The following PSG7 variants were observed in gnomAD, a reference collection of about 807,000 sequenced individuals.
PSG7 encodes pregnancy-specific beta-1-glycoprotein 7.
In PSG7, 57 loss-of-function variants were observed where a neutral mutation model predicts 45.6. The observed-to-expected ratio is 1.25, with a 90% CI of 1.01 to 1.56. PSG7 has a LOEUF of 1.56. Ranked by LOEUF, PSG7 falls within the 40% of genes most tolerant of loss-of-function variation. PSG7 has a pLI of 0.00. For synonymous variants in PSG7, 298 were observed against 194.4 expected, an observed-to-expected ratio of 1.53 and a Z score of -4.43; for missense variants, 796 against 508.4, an observed-to-expected ratio of 1.57 and a Z score of -5.44.
rs570381956 is a variant in PSG7 at position 42,937,175 on chromosome 19, C to T, written c.-99G>A. Reference sequence around the variant, plus strand: ...AGCTGTGCTGTCCTTCCTCCTTCTGCACTGAGCCTCTTCCCGGGGCAGGAG... The same window carrying T: ...AGCTGTGCTGTCCTTCCTCCTTCTGTACTGAGCCTCTTCCCGGGGCAGGAG... On this transcript the variant is annotated 5_prime_UTR_variant, in exon 1 of 6. Transcript: ENST00000406070. 4.7e-4 allele frequency: 704 copies of T among 1,496,146 alleles called. 17 individuals are homozygous for T. The East Asian group carries it at 4.7e-3, about 10-fold the overall frequency. 92.7% of individuals were successfully genotyped at this position (1,496,146 alleles called of 1,614,324 possible).
Position 42,929,651 on chromosome 19 carries a change from A to T in PSG7, c.500T>A (p.Leu167Ter), listed in dbSNP as rs1206833404. 6.2e-7 allele frequency: 1 copy of T among 1,612,344 alleles called. No individual in the cohort carries two copies. The highest frequency in any genetic ancestry group is 2.2e-5 in the East Asian group (1 of 44,810). Residue 167 changes from leucine to a stop codon, truncating the protein, a stop_gained, in exon 3 of 6, where the codon TTA (leucine) becomes TAA (stop). Coordinates refer to ENST00000406070, the MANE Select transcript of PSG7 (RefSeq NM_002783.3). LOFTEE classifies it high-confidence loss of function. Reference protein sequence around the residue: ...NPREATEAVILTCDPETPDAS... With the variant: ...NPREATEAVI ...ATCTGGAGTCTCAGGATCACAGGTT[A>T]AAATCACAGCCTCCGTGGCCTCCCT... is the stretch of plus-strand genomic sequence containing the variant.
At chr19:42,933,307 A>ATATATATATATATATATATATATATTT (rs56691588) in intron 2 of PSG7, among the ~76,000 whole-genome samples, 1 of 13,506 alleles carries the variant, frequency 7.4e-5, no homozygotes, top group Non-Finnish European at 1.6e-4. Flanking sequence ...ATATATATAT[A>ATATATATATATATATATATATATATTT]TTTTTTTTTT....
chr19:42,933,263 T>C lies in PSG7; in HGVS notation c.430+2141A>G, dbSNP rs1973059264. On this transcript the variant is annotated intron_variant, in intron 2 of 5. Transcript: ENST00000406070. ...ATCATTCTTTACTACAAATCACCAT[T>C]TCAATATATATATATATATATATAT... is the stretch of plus-strand genomic sequence containing the variant. 8.7e-5 allele frequency among the ~76,000 whole-genome samples: 4 copies of C among 45,720 alleles called. No homozygotes were observed. The South Asian group carries it at 4.7e-3, about 54-fold the overall frequency. The allele number at this position is 45,720 out of a possible 152,430, so 30.0% of individuals were successfully genotyped here.
At chr19:42,936,642 T>C (rs1973157913) in intron 1 of PSG7, 1 of 215,526 alleles carries the variant, frequency 4.6e-6, no homozygotes, top group Non-Finnish European at 9.1e-6. Flanking sequence ...TTTCCTTTTT[T>C]TTCTTTTTTC....
At chr19:42,925,571 G>A in intron 5 of PSG7, 1 of 1,310,040 alleles carries the variant, frequency 7.6e-7, no homozygotes, top group Non-Finnish European at 1.0e-6. Flanking sequence ...GGTCTAGGCT[G>A]GGAATGTTAT....
At chr19:42,925,109 C>G (rs767564585) in intron 5 of PSG7, 32 of 472,910 alleles carry the variant, frequency 6.8e-5, no homozygotes, top group Non-Finnish European at 1.1e-4. Context: ...TAAACCTTTA[C>G]AAAACTCTTG....
rs1466507075 is a variant in PSG7, at chr19:42,924,502, C to T, written c.*306G>A. On this transcript the variant is annotated 3_prime_UTR_variant, in exon 6 of 6. Transcript: ENST00000406070. ...TCCTGCCAAGTGAAAGAGGCAGGCA[C>T]AAGCAAGGACAGCTAAGAGGGGTGA... The T allele has an allele frequency of 1.8e-6, 1 of 561,490 alleles. No homozygotes were observed. The highest frequency in any genetic ancestry group is 1.9e-5 in the African/African-American group (1 of 53,078). 34.8% of individuals were successfully genotyped at this position (561,490 alleles called of 1,614,324 possible).
intron 1 of PSG7, 137 bp from the exon 2 acceptor site, chr19:42,935,906 ACACACACAAAC>A (rs1973142756): frequency 3.2e-6 from 4 of 1,254,652 alleles, no homozygotes; most frequent in African/African-American, 1.5e-5. Context: ...ACACACACAC[ACACACACAAAC>A]ACACACACAC....
At chr19:42,927,253 C>T (rs1972914921) in intron 3 of PSG7, 1 of 163,584 alleles carries the variant, frequency 6.1e-6, no homozygotes, top group African/African-American at 2.4e-5. Flanking sequence ...CAGGGGAGAC[C>T]ATAGTCAAGC....
In PSG7 at chr19:42,926,783, A is replaced by T. The variant is rs547419209; in HGVS notation, c.710-67T>A. The stretch of plus-strand genomic sequence containing the variant: ...TTGATTCCTCCACAGGCATCCTTCA[A>T]TTAGAGTTGGCATCTCCCACCTGTC... On this transcript the variant is annotated intron_variant, in intron 3 of 5. Transcript: ENST00000406070. 2,678 of 1,587,436 alleles carry T rather than the reference A, an allele frequency of 1.7e-3. 92 individuals are homozygous for T. The African/African-American group carries it at 0.031, about 18-fold the overall frequency.
At chr19:42,931,141 T>C (rs1973011467) in intron 2 of PSG7, among the ~76,000 whole-genome samples, 1 of 151,610 alleles carries the variant, frequency 6.6e-6, no homozygotes, top group Admixed American at 6.6e-5. Flanking sequence ...AGTTTAGACC[T>C]CAGGTTATGT....
At chr19:42,933,307 A>ATATATATATATATATATATAT (rs56691588) in intron 2 of PSG7, among the ~76,000 whole-genome samples, 1 of 13,504 alleles carries the variant, frequency 7.4e-5, no homozygotes, top group African/African-American at 1.7e-4. Context: ...ATATATATAT[A>ATATATATATATATATATATAT]TTTTTTTTTT....
At chr19:42,934,995 G>T (rs1347495377) in intron 2 of PSG7, among the ~76,000 whole-genome samples, 1 of 151,634 alleles carries the variant, frequency 6.6e-6, no homozygotes, top group Non-Finnish European at 1.5e-5. Flanking sequence ...CTGGAGCAAG[G>T]ATTTAGGGAC....
Position 42,930,866 on chromosome 19 carries a change from CAG to C in PSG7, c.431-1148_431-1147del, listed in dbSNP as rs946489451. On this transcript the variant is annotated intron_variant, in intron 2 of 5. Coordinates refer to ENST00000406070, the MANE Select transcript of PSG7 (RefSeq NM_002783.3). ...TACAGCCTCATGCCTATAGTTCATACAGATAAAGTGCTCCTTATGCAGAAAGG... is the reference window on the plus strand; with the variant it reads ...TACAGCCTCATGCCTATAGTTCATACATAAAGTGCTCCTTATGCAGAAAGG... Among the ~76,000 whole-genome samples, 19 of 151,696 alleles carry C rather than the reference CAG, an allele frequency of 1.3e-4. 1 individual carries two copies. Among genetic ancestry groups the C allele is most frequent in the African/African-American group, 4.6e-4 (19 of 41,308 alleles).
intron 3 of PSG7, among the ~76,000 whole-genome samples, chr19:42,928,009 G>A (rs758635862): frequency 3.3e-5 from 5 of 151,672 alleles, no homozygotes; most frequent in Non-Finnish European, 5.9e-5. Context: ...GCTTCAGTGA[G>A]CATTTCTTTT....
Position 42,925,145 on chromosome 19 carries a change from A to T in PSG7, c.1244-321T>A, listed in dbSNP as rs1972497125. 6.8e-5 allele frequency: 28 copies of T among 411,792 alleles called. 1 individual carries two copies. In the South Asian group the frequency reaches 7.2e-4, roughly 11 times the overall value. The allele number at this position is 411,792 out of a possible 1,614,324, so 25.5% of individuals were successfully genotyped here. On this transcript the variant is annotated intron_variant, in intron 5 of 5. Transcript: ENST00000406070. ...AGAATAGGAAGCCAAACCAAGGCTG[A>T]CTTCAGAGTTTGCCTGCAGTTCATA...
chr19:42,930,303 G>T (rs1352578287), intron 2 of PSG7, among the ~76,000 whole-genome samples: 1 of 151,548 alleles, frequency 6.6e-6, no homozygotes, highest in Non-Finnish European at 1.5e-5. Context: ...CAGCCACAAG[G>T]TGGCGCAGTT....
intron 2 of PSG7, among the ~76,000 whole-genome samples, chr19:42,934,599 G>C (rs1182567353): frequency 6.6e-6 from 1 of 151,720 alleles, no homozygotes; most frequent in Non-Finnish European, 1.5e-5. Context: ...GCGTAGCACT[G>C]TGGAAATGTT....
chr19:42,932,785 C>T (rs1289074971), intron 2 of PSG7, among the ~76,000 whole-genome samples: 1 of 151,466 alleles, frequency 6.6e-6, no homozygotes, highest in Non-Finnish European at 1.5e-5. Context: ...TAGTGAAAGA[C>T]CATGAGATTT....
Sources: allele counts gnomAD v4.1 joint callset (sites outside exome capture counted in the v4.1 genomes callset), GRCh38; gene constraint gnomAD v4.1.1; transcripts MANE v1.5; gene names NCBI Gene and HGNC (gene_info 2026-07-23, HGNC 2026-07-21).